The following IFT74 variants were observed in gnomAD, a reference collection of about 807,000 sequenced individuals.
The protein encoded by IFT74 is intraflagellar transport protein 74 homolog.
A neutral mutation model predicts 96.7 loss-of-function variants in IFT74; 92 were observed. The observed-to-expected ratio is 0.95, with a 90% CI of 0.80 to 1.13. IFT74 has a LOEUF of 1.13. IFT74 is among the 50% of genes most tolerant of loss of function. The pLI is 0.00. For missense variants in IFT74, 811 were observed against 698.2 expected (o/e 1.16, Z -1.82); for synonymous variants, 223 against 213.2 (o/e 1.05, Z -0.40).
chr9:26,958,348 A>G (rs1826210929), intron 1 of IFT74, among the ~76,000 whole-genome samples: 1 of 152,220 alleles, frequency 6.6e-6, no homozygotes, highest in South Asian at 2.1e-4. Context: ...AAGACCAGTT[A>G]TGGACTGGTC....
At chr9:26,982,999 C>G (rs1308077518) in intron 4 of IFT74, among the ~76,000 whole-genome samples, 2 of 152,194 alleles carry the variant, frequency 1.3e-5, no homozygotes, top group East Asian at 3.8e-4. Context: ...TCTCCATCTT[C>G]CCATTTTACT....
chr9:26,976,811 G>T, intron 2 of IFT74: 1 of 455,636 alleles, frequency 2.2e-6, no homozygotes, highest in South Asian at 1.6e-5. Context: ...GACATAAAGG[G>T]AGTCTTTTGG....
intron 8 of IFT74, chr9:26,995,713 G>A (rs1396722474): frequency 8.1e-6 from 13 of 1,613,806 alleles, no homozygotes; most frequent in Non-Finnish European, 1.1e-5. Context: ...GCTCTTCCAG[G>A]CGATGATGAT....
intron 13 of IFT74, among the ~76,000 whole-genome samples, chr9:27,043,884 C>G (rs1201164276): frequency 6.6e-6 from 1 of 152,192 alleles, no homozygotes; most frequent in Non-Finnish European, 1.5e-5. Flanking sequence ...ATCCTGACAA[C>G]TTTCTAACTG....
intron 8 of IFT74, among the ~76,000 whole-genome samples, chr9:27,000,085 A>G (rs1208718642): frequency 6.6e-6 from 1 of 152,148 alleles, no homozygotes; most frequent in East Asian, 1.9e-4. Flanking sequence ...TGGCCTTTCA[A>G]ATCTACTTTT....
intron 13 of IFT74, among the ~76,000 whole-genome samples, chr9:27,042,576 G>T (rs1466215578): frequency 6.6e-6 from 1 of 152,158 alleles, no homozygotes; most frequent in Non-Finnish European, 1.5e-5. Context: ...TCATTGCAGT[G>T]TCTTGGGGTT....
intron 1 of IFT74, among the ~76,000 whole-genome samples, chr9:26,948,455 T>TATTATTA (rs1825824692): frequency 2.5e-5 from 1 of 39,916 alleles, no homozygotes. Flanking sequence ...ATTATTTTTT[T>TATTATTA]TTTTTTTTTT....
intron 8 of IFT74, among the ~76,000 whole-genome samples, chr9:27,006,413 C>A (rs1315598794): frequency 6.6e-6 from 1 of 152,116 alleles, no homozygotes; most frequent in Non-Finnish European, 1.5e-5. Context: ...GCCCGGCCAA[C>A]TTAGCAAGAC....
At chr9:26,980,717 A>G (rs1827338142) in intron 4 of IFT74, 98 bp downstream of exon 4, 1 of 719,368 alleles carries the variant, frequency 1.4e-6, no homozygotes, top group South Asian at 1.9e-5. Flanking sequence ...AGTTTTAGCT[A>G]GGCACTTATT....
chr9:27,007,587 C>T (rs1193247136), intron 8 of IFT74, among the ~76,000 whole-genome samples: 2 of 152,084 alleles, frequency 1.3e-5, no homozygotes, highest in Non-Finnish European at 2.9e-5. Context: ...TTCCAGGTTG[C>T]TTTACTATGT....
In IFT74 at chr9:27,053,263, C is replaced by T. The variant is rs569080990; in HGVS notation, c.1334-2346C>T. ...AATGGCCCTCCAGAGGTCACCATAC[C>T]TAAATGGCTACACACCACATGGGTG... On this transcript the variant is annotated intron_variant, in intron 16 of 19. Coordinates refer to ENST00000380062, the MANE Select transcript of IFT74 (RefSeq NM_025103.4). Among the ~76,000 whole-genome samples, 3 of 142,690 alleles carry T rather than the reference C, an allele frequency of 2.1e-5. No homozygotes were observed. The East Asian group carries it at 6.8e-4, about 32-fold the overall frequency. 93.6% of individuals were successfully genotyped at this position (142,690 alleles called of 152,430 possible). A position where few individuals can be genotyped will look rare whatever the true frequency, so the allele number is the denominator to read the frequency against.
At chr9:27,050,850 G>A (rs551223052) in intron 16 of IFT74, among the ~76,000 whole-genome samples, 263 of 151,980 alleles carry the variant, frequency 1.7e-3, no homozygotes, top group African/African-American at 5.9e-3. Context: ...AAACCTGCAC[G>A]TTGTGCACAT....
chr9:27,045,265 G>A (rs1819653835), intron 14 of IFT74, among the ~76,000 whole-genome samples: 1 of 152,142 alleles, frequency 6.6e-6, no homozygotes, highest in South Asian at 2.1e-4. Context: ...TCTAACCCCT[G>A]ATGATCTCAG....
At chr9:26,988,771 T>C (rs1000213541) in intron 7 of IFT74, 43 bp downstream of exon 7, 2 of 1,439,416 alleles carry the variant, frequency 1.4e-6, no homozygotes, top group Non-Finnish European at 1.9e-6. Context: ...GTAAGTCATA[T>C]CCTACAAAAC....
chr9:27,000,794 C>A (rs1311234440), intron 8 of IFT74, among the ~76,000 whole-genome samples: 1 of 152,116 alleles, frequency 6.6e-6, no homozygotes, highest in African/African-American at 2.4e-5. Flanking sequence ...ACCTATGTAA[C>A]AAACCTGCAT....
In IFT74 at chr9:27,027,001, C is replaced by CA. The variant is rs554186351; in HGVS notation, c.975-2018dup. On this transcript the variant is annotated intron_variant, in intron 12 of 19. Coordinates refer to ENST00000380062, the MANE Select transcript of IFT74 (RefSeq NM_025103.4). ...AGAGCAGAACTAAATTAAATTGAAA[C>CA]AAAAAATTGAAAGATAAATGAAGCA... is the stretch of plus-strand genomic sequence containing the variant. Among the ~76,000 whole-genome samples the CA allele has an allele frequency of 4.1e-3, 625 of 151,684 alleles. 5 individuals are homozygous for CA. The highest frequency in any genetic ancestry group is 0.014 in the African/African-American group (567 of 41,354).
chr9:27,021,818 G>A (rs1383749439), intron 12 of IFT74, among the ~76,000 whole-genome samples: 1 of 152,110 alleles, frequency 6.6e-6, no homozygotes, highest in African/African-American at 2.4e-5. Flanking sequence ...TGGTGCAGAA[G>A]TTTTTTAGTT....
At chr9:26,972,193 A>T (rs1200955769) in intron 2 of IFT74, among the ~76,000 whole-genome samples, 1 of 152,058 alleles carries the variant, frequency 6.6e-6, no homozygotes, top group Non-Finnish European at 1.5e-5. Context: ...GTTAATGTTA[A>T]ATCATCTTTT....
At chr9:27,017,255 C>T (rs1272885508) in intron 11 of IFT74, among the ~76,000 whole-genome samples, 3 of 151,994 alleles carry the variant, frequency 2.0e-5, no homozygotes, top group East Asian at 3.9e-4. Context: ...TAGGATCTTG[C>T]TCTGTAACCC....
Sources: allele counts gnomAD v4.1 joint callset (sites outside exome capture counted in the v4.1 genomes callset), GRCh38; gene constraint gnomAD v4.1.1; transcripts MANE v1.5; gene names NCBI Gene and HGNC (gene_info 2026-07-23, HGNC 2026-07-21).